The following FAF1 variants were observed in gnomAD, a reference collection of about 807,000 sequenced individuals.
FAF1 encodes FAS-associated factor 1.
In FAF1, 25 loss-of-function variants were observed where a neutral mutation model predicts 92.5. The observed-to-expected ratio is 0.27, with a 90% CI of 0.20 to 0.38. The LOEUF (loss-of-function observed/expected upper bound fraction) is 0.38, where lower values mean the gene tolerates loss of function less well. FAF1 is among the 10% of genes least tolerant of loss of function. The pLI is 1.00. For synonymous variants in FAF1, 234 were observed against 273.2 expected, an observed-to-expected ratio of 0.86 and a Z score of 1.42; for missense variants, 636 against 793.3, an observed-to-expected ratio of 0.80 and a Z score of 2.38.
chr1:50,505,928 A>G (rs769534189), intron 15 of FAF1, among the ~76,000 whole-genome samples: 25 of 152,218 alleles, frequency 1.6e-4, no homozygotes, highest in Non-Finnish European at 3.2e-4. Context: ...GGTCAAATGG[A>G]AAGAGTAACT....
chr1:50,722,972 T>G (rs1398203419), intron 6 of FAF1, among the ~76,000 whole-genome samples: 1 of 152,196 alleles, frequency 6.6e-6, no homozygotes, highest in African/African-American at 2.4e-5. Context: ...CTCTCAATTC[T>G]AAGTCAGAGC....
intron 1 of FAF1, among the ~76,000 whole-genome samples, chr1:50,913,265 A>C (rs1456415043): frequency 6.6e-6 from 1 of 152,238 alleles, no homozygotes; most frequent in Non-Finnish European, 1.5e-5. Flanking sequence ...AAAAGGATGA[A>C]TGGATCGACT....
chr1:50,947,905 A>C (rs1214115464), intron 1 of FAF1, among the ~76,000 whole-genome samples: 2 of 152,224 alleles, frequency 1.3e-5, no homozygotes, highest in Non-Finnish European at 2.9e-5. Flanking sequence ...TAAACTAAGA[A>C]TATTCCTTCA....
At chr1:50,714,118 G>C (rs760568937) in intron 6 of FAF1, among the ~76,000 whole-genome samples, 2 of 151,972 alleles carry the variant, frequency 1.3e-5, no homozygotes, top group Non-Finnish European at 2.9e-5. Context: ...CTCAATGCAA[G>C]AAATGGTTTT....
chr1:50,737,576 T>C (rs1050260086), intron 6 of FAF1, among the ~76,000 whole-genome samples: 1 of 152,230 alleles, frequency 6.6e-6, no homozygotes, highest in Non-Finnish European at 1.5e-5. Context: ...GTTTGTAATT[T>C]TGTAACTGTG....
At chr1:50,895,872 C>A (rs541067334) in intron 1 of FAF1, among the ~76,000 whole-genome samples, 5 of 152,094 alleles carry the variant, frequency 3.3e-5, no homozygotes, top group Non-Finnish European at 4.4e-5. Flanking sequence ...AAAGCCTCAA[C>A]ACACTGGGTA....
At chr1:50,690,499 G>A (rs1380557307) in intron 7 of FAF1, among the ~76,000 whole-genome samples, 1 of 152,010 alleles carries the variant, frequency 6.6e-6, no homozygotes, top group Non-Finnish European at 1.5e-5. Flanking sequence ...TATTCGGGAG[G>A]CTGAGGTAGG....
At chr1:50,637,900 TAAGATAAATTTGTGTATA>T (rs1443013195) in intron 8 of FAF1, among the ~76,000 whole-genome samples, 1 of 150,912 alleles carries the variant, frequency 6.6e-6, no homozygotes, top group East Asian at 1.9e-4. Flanking sequence ...ATCTCTGATC[TAAGATAAATTTGTGTATA>T]TATATATATA....
intron 2 of FAF1, among the ~76,000 whole-genome samples, chr1:50,822,023 AT>A (rs1216515271): frequency 6.6e-6 from 1 of 151,894 alleles, no homozygotes; most frequent in African/African-American, 2.4e-5. Flanking sequence ...TAAATTTTAA[AT>A]TTCTTTTTAT....
intron 2 of FAF1, among the ~76,000 whole-genome samples, chr1:50,833,875 T>C (rs1644177373): frequency 1.3e-5 from 2 of 152,238 alleles, no homozygotes; most frequent in Admixed American, 6.5e-5. Flanking sequence ...TTATTTCTCC[T>C]TTTCCAAATA....
intron 8 of FAF1, chr1:50,612,575 AAC>A: frequency 1.7e-6 from 1 of 577,244 alleles, no homozygotes; most frequent in Non-Finnish European, 2.2e-6. Context: ...AACACTGTGG[AAC>A]TCTTTGGATA....
In FAF1 at chr1:50,441,175, G is replaced by T. The variant is rs558188444; in HGVS notation, c.*265C>A. 8.2e-6 allele frequency: 3 copies of T among 365,754 alleles called. No individual in the cohort carries two copies. The South Asian group carries it at 2.1e-4, about 26-fold the overall frequency. 22.7% of individuals were successfully genotyped at this position (365,754 alleles called of 1,614,324 possible). A position where few individuals can be genotyped will look rare whatever the true frequency, so the allele number is the denominator to read the frequency against. ...TCACTCACACTTGAACAATGCATTC[G>T]TCATTGAAGGAGGGTGAAGTGCAGG... On this transcript the variant is annotated 3_prime_UTR_variant, in exon 19 of 19. Coordinates refer to ENST00000396153, the MANE Select transcript of FAF1 (RefSeq NM_007051.3).
chr1:50,545,534 G>A (rs990327486), intron 13 of FAF1, among the ~76,000 whole-genome samples: 1 of 151,652 alleles, frequency 6.6e-6, no homozygotes, highest in African/African-American at 2.4e-5. Context: ...CTCCCAAAGT[G>A]CTGGGATTAT....
intron 1 of FAF1, among the ~76,000 whole-genome samples, chr1:50,861,189 T>C (rs540288695): frequency 6.6e-6 from 1 of 151,940 alleles, no homozygotes; most frequent in African/African-American, 2.4e-5. Flanking sequence ...TAAACTTCTA[T>C]CTGTACTCCC....
chr1:50,664,750 C>T (rs1475132051), intron 7 of FAF1, among the ~76,000 whole-genome samples: 1 of 152,188 alleles, frequency 6.6e-6, no homozygotes, highest in Non-Finnish European at 1.5e-5. Context: ...GTCGAGATCG[C>T]GCTACTGCAC....
At chr1:50,678,293 T>C (rs1656237022) in intron 7 of FAF1, among the ~76,000 whole-genome samples, 1 of 151,966 alleles carries the variant, frequency 6.6e-6, no homozygotes, top group Admixed American at 6.6e-5. Flanking sequence ...TCAAGGGGGG[T>C]GGGAGTAGTT....
In FAF1 at chr1:50,456,623, A is replaced by T. The variant is rs543160451; in HGVS notation, c.1870-15100T>A. Among the ~76,000 whole-genome samples, 34 of 152,324 alleles carry T rather than the reference A, an allele frequency of 2.2e-4. 1 individual carries two copies. The highest frequency in any genetic ancestry group is 7.5e-4 in the African/African-American group (31 of 41,572). On this transcript the variant is annotated intron_variant, in intron 18 of 18. Coordinates refer to ENST00000396153, the MANE Select transcript of FAF1 (RefSeq NM_007051.3). ...AGCTGGGAACATTTTATTTCTTCTA[A>T]TTTATTTACTACACAAGTATTTTCG... is the stretch of plus-strand genomic sequence containing the variant.
intron 1 of FAF1, among the ~76,000 whole-genome samples, chr1:50,942,989 C>T (rs983404241): frequency 1.3e-5 from 2 of 152,138 alleles, no homozygotes; most frequent in African/African-American, 4.8e-5. Context: ...ACTATCTAGT[C>T]TGGTAGCAAT....
intron 1 of FAF1, among the ~76,000 whole-genome samples, chr1:50,865,973 C>A (rs77371039): frequency 6.6e-6 from 1 of 151,672 alleles, no homozygotes; most frequent in Non-Finnish European, 1.5e-5. Context: ...TAACCAAATC[C>A]AACTGCATAT....
Sources: gnomAD v4.1 joint callset for allele counts (sites outside exome capture counted in the v4.1 genomes callset) on GRCh38, gnomAD v4.1.1 for gene constraint, MANE v1.5 for transcripts, NCBI Gene and HGNC (gene_info 2026-07-23, HGNC 2026-07-21) for gene names.